MACF1: variants seen among roughly 807,000 people sequenced by gnomAD.
The protein encoded by MACF1 is microtubule-actin cross-linking factor 1.
MACF1 carries 193 observed loss-of-function variants against 854.8 expected under a neutral mutation model. The observed-to-expected ratio is 0.23, with a 90% CI of 0.20 to 0.25. MACF1 has a LOEUF of 0.25. Ranked by LOEUF, MACF1 falls within the 10% of genes least tolerant of loss-of-function variation. MACF1 has a pLI of 1.00. For missense variants in MACF1, 7,722 were observed against 8,929.1 expected (o/e 0.86, Z 5.45); for synonymous variants, 3,185 against 3,226.7 (o/e 0.99, Z 0.44).
At chr1:39,133,202 C>T (rs1643054715) in intron 2 of MACF1, among the ~76,000 whole-genome samples, 1 of 152,212 alleles carries the variant, frequency 6.6e-6, no homozygotes, top group African/African-American at 2.4e-5. Context: ...TGGCTGCTTC[C>T]ACCCTGGGGC....
In MACF1 at chr1:39,388,419, C is replaced by G; in HGVS notation, c.15577C>G (p.Leu5193Val). ...CRHMLEEEGT[L>V]DLLGLKRELE... ...ACATATGCTAGAAGAAGAGGGGACT[C>G]TGGATTTGTTAGGTCTCAAAAGGGA... The change falls in exon 58 of 101, where the codon CTG (leucine) becomes GTG (valine). Residue 5193 changes from leucine (L) to valine (V), a missense_variant. Leu to Val is a conservative substitution (Grantham distance 32). Around this residue, in one of 15 missense-constraint regions of MACF1, gnomAD observed 2,807 missense variants for 3,235.8 expected, o/e 0.87. Transcript: ENST00000564288. 1 of 1,614,044 alleles carries G rather than the reference C, an allele frequency of 6.2e-7. No individual in the cohort carries two copies. The highest frequency in any genetic ancestry group is 8.5e-7 in the Non-Finnish European group (1 of 1,179,996).
At chr1:39,248,717 T>G (rs968930179) in intron 2 of MACF1, among the ~76,000 whole-genome samples, 1 of 152,192 alleles carries the variant, frequency 6.6e-6, no homozygotes, top group Non-Finnish European at 1.5e-5. Context: ...GTCTTCCCAT[T>G]CTGTGTTGTG....
At chr1:39,315,474 A>C (rs776862725) in intron 26 of MACF1, 39 bp from the exon 27 acceptor site, 3 of 1,601,104 alleles carry the variant, frequency 1.9e-6, no homozygotes, top group Non-Finnish European at 2.6e-6. Context: ...TTTTTGTTCA[A>C]TTCTGTCTCC....
At chr1:39,229,819 G>A (rs979689825) in intron 1 of MACF1, among the ~76,000 whole-genome samples, 8 of 152,008 alleles carry the variant, frequency 5.3e-5, no homozygotes, top group African/African-American at 1.2e-4. Context: ...TCACTGCAAC[G>A]TCCACCTCCC....
intron 58 of MACF1, among the ~76,000 whole-genome samples, chr1:39,393,194 AAAATATATAT>A (rs1389694683): frequency 6.3e-5 from 5 of 79,250 alleles, no homozygotes; most frequent in African/African-American, 2.2e-4. Flanking sequence ...AAAAAAAAAA[AAAATATATAT>A]ATATATATAT....
intron 58 of MACF1, among the ~76,000 whole-genome samples, chr1:39,397,653 A>G (rs1642326464): frequency 6.6e-6 from 1 of 152,242 alleles, no homozygotes; most frequent in Non-Finnish European, 1.5e-5. Flanking sequence ...AGTTAGGCAA[A>G]ATCATCTATC....
intron 1 of MACF1, among the ~76,000 whole-genome samples, chr1:39,213,930 G>A (rs1269587006): frequency 1.3e-5 from 2 of 152,178 alleles, no homozygotes; most frequent in Non-Finnish European, 2.9e-5. Context: ...GTTTGTAGGT[G>A]GGAGGGATAC....
intron 58 of MACF1, among the ~76,000 whole-genome samples, chr1:39,393,800 C>G (rs1419192110): frequency 8.2e-6 from 1 of 121,884 alleles, no homozygotes; most frequent in Non-Finnish European, 1.6e-5. Context: ...GAGTGAGACC[C>G]TGTCTCAAAA....
rs1284438946 is a variant in MACF1 at position 39,447,878 on chromosome 1, G to A, written c.19948G>A (p.Ala6650Thr). Reference protein sequence around the residue: ...SIERGRSLDDARKRAKQFHEA... With the variant: ...SIERGRSLDDTRKRAKQFHEA... ...TGAAAGAGGGCGATCACTAGATGAT[G>A]CCAGGAAGCGGGCAAAACAAGTAAG... The change falls in exon 82 of 101, where the codon GCC (alanine) becomes ACC (threonine). Residue 6650 changes from alanine (A) to threonine (T), a missense_variant. Coordinates refer to ENST00000564288, the MANE Select transcript of MACF1 (RefSeq NM_001394062.1). 1.2e-6 allele frequency: 2 copies of A among 1,613,950 alleles called. No homozygotes were observed. Among genetic ancestry groups the A allele is most frequent in the Non-Finnish European group, 8.5e-7 (1 of 1,180,028 alleles).
intron 38 of MACF1, 91 bp from the exon 39 acceptor site, chr1:39,340,411 A>T: frequency 1.2e-6 from 1 of 860,758 alleles, no homozygotes; most frequent in Non-Finnish European, 1.9e-6. Flanking sequence ...AAGTGTGTGT[A>T]GACATGGGGT....
intron 58 of MACF1, 42 bp from the exon 59 acceptor site, chr1:39,422,332 A>G: frequency 6.4e-7 from 1 of 1,571,282 alleles, no homozygotes; most frequent in South Asian, 1.1e-5. Context: ...AGAGAGTCTA[A>G]TAGCCTTTGT....
At chr1:39,458,311 C>A in intron 89 of MACF1, 59 bp from the exon 90 acceptor site, 1 of 1,557,406 alleles carries the variant, frequency 6.4e-7, no homozygotes, top group South Asian at 1.2e-5. Flanking sequence ...TCTTCCTTTG[C>A]CCCCATAAGA....
intron 45 of MACF1, 139 bp from the exon 46 acceptor site, chr1:39,358,558 C>G (rs1557607859): frequency 1.4e-6 from 1 of 715,916 alleles, no homozygotes; most frequent in African/African-American, 1.8e-5. Flanking sequence ...TGCTACCCAT[C>G]TATCCATGGG....
chr1:39,102,905 C>T, intron 2 of MACF1: 1 of 702,414 alleles, frequency 1.4e-6, no homozygotes, highest in Non-Finnish European at 2.6e-6. Context: ...CTTCCTTCTT[C>T]CCATCCCCCC....
chr1:39,441,988 C>T lies in MACF1; in HGVS notation c.18709C>T (p.Leu6237Phe). ...CTGGCTAGATAACACTGTGATTAAA[C>T]TCTGCACCATGCCCCCTGTTGGCAC... ...FDWLDNTVIK[L>F]CTMPPVGTDL... Residue 6237 changes from leucine (L) to phenylalanine (F), a missense_variant, in exon 75 of 101, where the codon CTC (leucine) becomes TTC (phenylalanine). Around this residue, in one of 15 missense-constraint regions of MACF1, gnomAD observed 2,807 missense variants for 3,235.8 expected, o/e 0.87. Coordinates refer to ENST00000564288, the MANE Select transcript of MACF1 (RefSeq NM_001394062.1). 6.2e-7 allele frequency: 1 copy of T among 1,614,116 alleles called. No individual in the cohort carries two copies. Among genetic ancestry groups the T allele is most frequent in the Non-Finnish European group, 8.5e-7 (1 of 1,180,004 alleles).
At position 39,367,194 on chromosome 1, in the gene MACF1, G is replaced by A. The variant is rs77269769; in HGVS notation, c.12772-954G>A. On this transcript the variant is annotated intron_variant, in intron 49 of 100. Coordinates refer to ENST00000564288, the MANE Select transcript of MACF1 (RefSeq NM_001394062.1). ...ACTCCTGACCTCAAGTGATGGGCCT[G>A]CCTTGGCCTTCCAAAATGCTAGGAT... 5.5e-4 allele frequency among the ~76,000 whole-genome samples: 84 copies of A among 152,024 alleles called. No homozygotes were observed. In the East Asian group the frequency reaches 0.015, roughly 28 times the overall value.
At position 39,361,482 on chromosome 1, in the gene MACF1, G is replaced by A. The variant is rs753317233; in HGVS notation, c.12576G>A (p.Glu4192=). 10 of 1,614,074 alleles carry A rather than the reference G, an allele frequency of 6.2e-6. No homozygotes were observed. The South Asian group carries it at 7.7e-5, about 12-fold the overall frequency. The change falls in exon 49 of 101, where the codon GAG becomes GAA. Residue 4192 remains glutamate, a synonymous_variant. Transcript: ENST00000564288. ...CAGTGCTGCAGGGCAAACTGGCAGAGGTGAGCCAGCGGTTCGAACAGCTCT... is the reference window on the plus strand; with the variant it reads ...CAGTGCTGCAGGGCAAACTGGCAGAAGTGAGCCAGCGGTTCGAACAGCTCT... ...TAAVLQGKLA[E]VSQRFEQLCL...
intron 2 of MACF1, among the ~76,000 whole-genome samples, chr1:39,115,824 G>A (rs1642530681): frequency 6.6e-6 from 1 of 152,194 alleles, no homozygotes; most frequent in African/African-American, 2.4e-5. Context: ...GGAGTGGCCA[G>A]AAAGGTAAGA....
intron 2 of MACF1, among the ~76,000 whole-genome samples, chr1:39,121,338 A>G (rs560538403): frequency 2.0e-5 from 3 of 152,354 alleles, no homozygotes; most frequent in Admixed American, 2.0e-4. Flanking sequence ...AATGTGTATT[A>G]TGGACTTAAC....
Sources: gnomAD v4.1 joint callset for allele counts (sites outside exome capture counted in the v4.1 genomes callset) on GRCh38, gnomAD v4.1.1 for gene constraint, gnomAD v4.1.1 regional missense constraint, MANE v1.5 for transcripts, NCBI Gene and HGNC (gene_info 2026-07-23, HGNC 2026-07-21) for gene names.